Variants in TAPT1 observed in about 807,000 individuals in gnomAD.
The protein encoded by TAPT1 is transmembrane anterior posterior transformation protein 1 homolog.
In TAPT1, 28 loss-of-function variants were observed where a neutral mutation model predicts 65.6. The observed-to-expected ratio is 0.43, with a 90% CI of 0.32 to 0.59. The LOEUF (loss-of-function observed/expected upper bound fraction) is 0.59, where lower values mean the gene tolerates loss of function less well. TAPT1 is among the 20% of genes least tolerant of loss of function. The probability of loss-of-function intolerance (pLI) is 0.09; values close to 1 mark genes in which losing one functional copy is unlikely to be tolerated. For missense variants in TAPT1, 563 were observed against 679.9 expected, an observed-to-expected ratio of 0.83 and a Z score of 1.91; for synonymous variants, 278 against 245.2, an observed-to-expected ratio of 1.13 and a Z score of -1.25.
At chr4:16,225,957 A>C (rs1751523391) in intron 1 of TAPT1, 1 of 991,866 alleles carries the variant, frequency 1.0e-6, no homozygotes, top group Admixed American at 6.0e-5. Flanking sequence ...CTAACCTAAG[A>C]CCTTCCGAGG....
chr4:16,197,679 T>G (rs977308622), intron 3 of TAPT1, among the ~76,000 whole-genome samples: 1 of 152,202 alleles, frequency 6.6e-6, no homozygotes, highest in African/African-American at 2.4e-5. Context: ...AATAGACACT[T>G]CATATAATAA....
chr4:16,213,960 A>G, intron 1 of TAPT1, 62 bp from the exon 2 acceptor site: 2 of 1,449,686 alleles, frequency 1.4e-6, no homozygotes, highest in Non-Finnish European at 1.9e-6. Context: ...CTTCCACGCT[A>G]GCTGGGGCCA....
At chr4:16,174,435 G>A (rs372570149) in intron 10 of TAPT1, 163 bp from the exon 11 acceptor site, 88 of 716,622 alleles carry the variant, frequency 1.2e-4, no homozygotes, top group East Asian at 8.9e-4. Flanking sequence ...ATGTTCACAA[G>A]TCTTAAATAC....
At position 16,166,493 on chromosome 4, in the gene TAPT1, A is replaced by G. The variant is rs116230099; in HGVS notation, c.1474+140T>C. ...ACTGGGCCAGGTATATATGGGATGAAATCTAAAACACAACCATTAAAAGAC... is the reference window on the plus strand; with the variant it reads ...ACTGGGCCAGGTATATATGGGATGAGATCTAAAACACAACCATTAAAAGAC... On this transcript the variant is annotated intron_variant, in intron 13 of 13. Transcript: ENST00000405303. The G allele has an allele frequency of 2.4e-4, 244 of 1,004,174 alleles. No individual in the cohort carries two copies. The African/African-American group carries it at 3.9e-3, about 16-fold the overall frequency. 62.2% of individuals were successfully genotyped at this position (1,004,174 alleles called of 1,614,324 possible). A position where few individuals can be genotyped will look rare whatever the true frequency, so the allele number is the denominator to read the frequency against.
At chr4:16,187,907 A>G (rs1749116721) in intron 5 of TAPT1, among the ~76,000 whole-genome samples, 1 of 152,228 alleles carries the variant, frequency 6.6e-6, no homozygotes, top group Non-Finnish European at 1.5e-5. Flanking sequence ...CATAAGTACG[A>G]AAAATTATAT....
chr4:16,202,180 C>T (rs1484023900), intron 3 of TAPT1, among the ~76,000 whole-genome samples: 2 of 152,044 alleles, frequency 1.3e-5, no homozygotes, highest in African/African-American at 2.4e-5. Flanking sequence ...ACTTTCAGAC[C>T]CGGGTCCTTT....
chr4:16,176,046 T>C, intron 9 of TAPT1, 73 bp downstream of exon 9: 2 of 698,886 alleles, frequency 2.9e-6, no homozygotes, highest in Non-Finnish European at 4.6e-6. Flanking sequence ...CAAACTCCTA[T>C]TATTCTACAA....
upstream of TAPT1, chr4:16,227,213 G>C (rs765900397): frequency 1.9e-4 from 88 of 455,446 alleles, no homozygotes; most frequent in Non-Finnish European, 3.0e-4. Flanking sequence ...CGGCCGGACC[G>C]GCAGAGTTTC....
chr4:16,192,594 A>T (rs1426400482), intron 3 of TAPT1, among the ~76,000 whole-genome samples: 1 of 152,218 alleles, frequency 6.6e-6, no homozygotes, highest in Non-Finnish European at 1.5e-5. Flanking sequence ...CAGAGCAAAA[A>T]ATACATTAGA....
At chr4:16,201,904 C>A (rs891465863) in intron 3 of TAPT1, among the ~76,000 whole-genome samples, 1 of 152,154 alleles carries the variant, frequency 6.6e-6, no homozygotes, top group African/African-American at 2.4e-5. Flanking sequence ...GCTCTCTGAT[C>A]TTCCCCGTGG....
chr4:16,196,613 T>A, intron 3 of TAPT1: 1 of 1,060,464 alleles, frequency 9.4e-7, no homozygotes, highest in Non-Finnish European at 1.3e-6. Context: ...TTAATGAATG[T>A]CAATTTGGCC....
chr4:16,175,840 C>CT (rs1323624732), intron 9 of TAPT1, among the ~76,000 whole-genome samples: 3 of 152,112 alleles, frequency 2.0e-5, no homozygotes, highest in Non-Finnish European at 1.5e-5. Context: ...ATTTTAAAGT[C>CT]TTTAAACAGA....
At chr4:16,173,454 T>C (rs1208550799) in intron 11 of TAPT1, among the ~76,000 whole-genome samples, 4 of 152,118 alleles carry the variant, frequency 2.6e-5, no homozygotes, top group Non-Finnish European at 5.9e-5. Context: ...AGTCTTGCTC[T>C]TTCGCCCAGG....
chr4:16,183,316 T>C (rs1299192828), intron 7 of TAPT1, among the ~76,000 whole-genome samples: 1 of 152,196 alleles, frequency 6.6e-6, no homozygotes, highest in African/African-American at 2.4e-5. Context: ...AGTAATTTTT[T>C]TTTTGGTGCT....
upstream of TAPT1, chr4:16,227,129 A>C: frequency 2.2e-6 from 1 of 455,672 alleles, no homozygotes; most frequent in South Asian, 1.6e-5. Flanking sequence ...GTCCTTTGGC[A>C]GTTTCCAAAG....
At position 16,179,664 on chromosome 4, in the gene TAPT1, G is replaced by T; in HGVS notation, c.917-7C>A. On this transcript the variant is annotated splice_polypyrimidine_tract_variant and splice_region_variant and intron_variant, in intron 7 of 13. Coordinates refer to ENST00000405303, the MANE Select transcript of TAPT1 (RefSeq NM_153365.3). ...GTGAATCGTTCCTTAATATCTAAAA[G>T]AAAAAAAATCAACATAAGTACTGTA... The T allele has an allele frequency of 6.8e-7, 1 of 1,468,512 alleles. No individual in the cohort carries two copies. Among genetic ancestry groups the T allele is most frequent in the South Asian group, 1.3e-5 (1 of 75,322 alleles). The allele number at this position is 1,468,512 out of a possible 1,614,324, so 91.0% of individuals were successfully genotyped here.
chr4:16,176,476 AC>A (rs1336767982), intron 8 of TAPT1: 1 of 243,162 alleles, frequency 4.1e-6, no homozygotes, highest in Non-Finnish European at 7.8e-6. Context: ...ATTTTGGATC[AC>A]CTGAGATCAG....
At chr4:16,216,633 G>A (rs1401376898) in intron 1 of TAPT1, among the ~76,000 whole-genome samples, 2 of 152,122 alleles carry the variant, frequency 1.3e-5, no homozygotes, top group Admixed American at 6.5e-5. Context: ...GGCCAATCTT[G>A]ACAATCCCCT....
chr4:16,184,710 T>C (rs191193968), intron 7 of TAPT1, among the ~76,000 whole-genome samples: 2 of 152,346 alleles, frequency 1.3e-5, no homozygotes, highest in East Asian at 1.9e-4. Flanking sequence ...CAGTGACATT[T>C]TCCCTAATAA....
Sources: gnomAD v4.1 joint callset for allele counts (sites outside exome capture counted in the v4.1 genomes callset) on GRCh38, gnomAD v4.1.1 for gene constraint, MANE v1.5 for transcripts, NCBI Gene and HGNC (gene_info 2026-07-23, HGNC 2026-07-21) for gene names.